The following PRKG1 variants were observed in gnomAD, a reference collection of about 807,000 sequenced individuals.
PRKG1 encodes cGMP-dependent protein kinase 1.
Under a neutral mutation model 88.1 loss-of-function variants are expected in PRKG1, and 35 were observed. That is an observed-to-expected ratio of 0.40 (90% CI 0.30 to 0.53). The LOEUF is 0.53. PRKG1 is among the 20% of genes least tolerant of loss of function. PRKG1 has a pLI of 0.59. For missense variants in PRKG1, 540 were observed against 839.8 expected, an observed-to-expected ratio of 0.64 and a Z score of 4.41; for synonymous variants, 303 against 292.5, an observed-to-expected ratio of 1.04 and a Z score of -0.37.
In PRKG1 at chr10:51,484,923, G is replaced by T. The variant is rs2068992; in HGVS notation, c.592+17087G>T. ...GGCAATATTTCTTCTTTCTTTTAAA[G>T]ATAGAGATAATTAGCACTGATTAGC... On this transcript the variant is annotated intron_variant, in intron 3 of 17. Coordinates refer to ENST00000373980, the MANE Select transcript of PRKG1 (RefSeq NM_006258.4). Among the ~76,000 whole-genome samples the T allele has an allele frequency of 4.8e-3, 734 of 152,238 alleles. 4 individuals are homozygous for T. Among genetic ancestry groups the T allele is most frequent in the African/African-American group, 0.017 (700 of 41,538 alleles).
intron 7 of PRKG1, among the ~76,000 whole-genome samples, chr10:52,093,184 A>G (rs1341177737): frequency 6.6e-6 from 1 of 152,212 alleles, no homozygotes; most frequent in Non-Finnish European, 1.5e-5. Flanking sequence ...ATATTGGAAC[A>G]TAAAGAAGTG....
intron 3 of PRKG1, among the ~76,000 whole-genome samples, chr10:51,503,179 T>G (rs767212484): frequency 1.3e-5 from 2 of 152,164 alleles, no homozygotes; most frequent in Non-Finnish European, 2.9e-5. Flanking sequence ...CTGAGTGCTC[T>G]CACTACATCC....
In PRKG1 at chr10:52,257,539, A is replaced by G. The variant is rs544392595; in HGVS notation, c.1173+5873A>G. The stretch of plus-strand genomic sequence containing the variant: ...ATGGAGATCTTTGGGCAGTATTGCC[A>G]TGTGTACCCACGGTGATTTATGCTA... On this transcript the variant is annotated intron_variant, in intron 10 of 17. Transcript: ENST00000373980. Among the ~76,000 whole-genome samples the G allele has an allele frequency of 2.9e-4, 41 of 139,824 alleles. 5 individuals carry two copies. Among genetic ancestry groups the G allele is most frequent in the African/African-American group, 9.4e-4 (38 of 40,446 alleles). 91.7% of individuals were successfully genotyped at this position (139,824 alleles called of 152,430 possible).
chr10:51,832,006 T>C (rs1840018272), intron 4 of PRKG1, among the ~76,000 whole-genome samples: 1 of 152,158 alleles, frequency 6.6e-6, no homozygotes, highest in African/African-American at 2.4e-5. Context: ...ATATAATAAG[T>C]GTACAAAGAG....
At chr10:52,194,694 A>T (rs1564511838) in intron 9 of PRKG1, among the ~76,000 whole-genome samples, 1 of 152,158 alleles carries the variant, frequency 6.6e-6, no homozygotes. Context: ...GTAAATTTCA[A>T]TTTAGCTATC....
At chr10:51,968,560 T>C (rs1843627774) in intron 5 of PRKG1, among the ~76,000 whole-genome samples, 1 of 152,002 alleles carries the variant, frequency 6.6e-6, no homozygotes, top group Non-Finnish European at 1.5e-5. Flanking sequence ...TGGTGGTTCA[T>C]GCCTGTAATC....
chr10:51,647,678 C>T (rs758600315), intron 3 of PRKG1, among the ~76,000 whole-genome samples: 3 of 152,092 alleles, frequency 2.0e-5, no homozygotes, highest in Admixed American at 1.3e-4. Context: ...TAACCTTTCT[C>T]GTTGTTGATT....
At chr10:51,761,920 A>G (rs1199036290) in intron 3 of PRKG1, among the ~76,000 whole-genome samples, 1 of 152,236 alleles carries the variant, frequency 6.6e-6, no homozygotes, top group African/African-American at 2.4e-5. Flanking sequence ...AGATTTTTAC[A>G]TAGTAAATAA....
intron 9 of PRKG1, among the ~76,000 whole-genome samples, chr10:52,235,188 C>A: frequency 9.7e-6 from 1 of 103,362 alleles, no homozygotes; most frequent in Non-Finnish European, 1.9e-5. Context: ...AAAGGAACAA[C>A]CGGTACCAGC....
chr10:51,015,943 G>C (rs1211744173), intron 1 of PRKG1, among the ~76,000 whole-genome samples: 1 of 152,160 alleles, frequency 6.6e-6, no homozygotes, highest in Non-Finnish European at 1.5e-5. Context: ...TCTCACAGCT[G>C]TGTTAAGCAC....
At chr10:51,965,561 A>G (rs1231915333) in intron 5 of PRKG1, among the ~76,000 whole-genome samples, 1 of 152,230 alleles carries the variant, frequency 6.6e-6, no homozygotes, top group Non-Finnish European at 1.5e-5. Flanking sequence ...GTTTCAGAAT[A>G]TAACAACATT....
chr10:51,977,077 C>T (rs1247152348), intron 5 of PRKG1, among the ~76,000 whole-genome samples: 1 of 151,840 alleles, frequency 6.6e-6, no homozygotes, highest in Non-Finnish European at 1.5e-5. Context: ...ACATATTAAG[C>T]CTAGTGACCA....
intron 2 of PRKG1, among the ~76,000 whole-genome samples, chr10:51,463,992 C>T (rs556393668): frequency 3.3e-5 from 5 of 152,002 alleles, no homozygotes; most frequent in East Asian, 1.9e-4. Context: ...GCTTTTTGGA[C>T]GGGGTGCGAT....
At chr10:52,166,795 A>ATATATATATGTATATATATG (rs1319112349) in intron 9 of PRKG1, among the ~76,000 whole-genome samples, 265 of 23,654 alleles carry the variant, frequency 0.011, 10 homozygotes, top group African/African-American at 0.046. Context: ...GCCTATATAT[A>ATATATATATGTATATATATG]TACATATATA....
At chr10:51,437,915 G>A (rs1300478709) in intron 2 of PRKG1, among the ~76,000 whole-genome samples, 1 of 150,606 alleles carries the variant, frequency 6.6e-6, no homozygotes, top group African/African-American at 2.4e-5. Context: ...TCCCTACAAT[G>A]GAATTGTCTA....
rs181814208 is a variant in PRKG1 at position 51,453,326 on chromosome 10, T to A, written c.479-14397T>A. On this transcript the variant is annotated intron_variant, in intron 2 of 17. Transcript: ENST00000373980. ...TCAGTTTCATTTAATTCAGCTCTGA[T>A]CTTTGTGATTTCTTTGATTCTGCTG... Among the ~76,000 whole-genome samples the A allele has an allele frequency of 2.0e-4, 31 of 152,074 alleles. No homozygotes were observed. In the East Asian group the frequency reaches 5.4e-3, roughly 27 times the overall value.
At chr10:51,326,096 G>A (rs1314118325) in intron 2 of PRKG1, among the ~76,000 whole-genome samples, 1 of 152,186 alleles carries the variant, frequency 6.6e-6, no homozygotes, top group Non-Finnish European at 1.5e-5. Context: ...ATTAACCTAA[G>A]TCCTTTGGAT....
intron 1 of PRKG1, among the ~76,000 whole-genome samples, chr10:51,050,521 A>G (rs1020922318): frequency 1.3e-5 from 2 of 152,080 alleles, no homozygotes; most frequent in Admixed American, 6.6e-5. Flanking sequence ...ATAATATTCC[A>G]TTGTATGTAT....
intron 2 of PRKG1, among the ~76,000 whole-genome samples, chr10:51,306,128 A>T (rs898620639): frequency 1.3e-5 from 2 of 152,202 alleles, no homozygotes; most frequent in African/African-American, 4.8e-5. Flanking sequence ...TTAGGGCCTC[A>T]CAGTAACAGA....
Sources: gnomAD v4.1 joint callset for allele counts (sites outside exome capture counted in the v4.1 genomes callset) on GRCh38, gnomAD v4.1.1 for gene constraint, MANE v1.5 for transcripts, NCBI Gene and HGNC (gene_info 2026-07-23, HGNC 2026-07-21) for gene names.